Variants in NEB observed in about 807,000 individuals in gnomAD.
NEB encodes the protein nemaline myopathy type 2.
In NEB, 512 loss-of-function variants were observed where a neutral mutation model predicts 952.2. That is an observed-to-expected ratio of 0.54 (90% CI 0.50 to 0.58). The LOEUF is 0.58. Among genes scored for constraint, NEB ranks in the 20% least tolerant of loss-of-function variants. The probability of loss-of-function intolerance (pLI) is 0.00; values close to 1 mark genes in which losing one functional copy is unlikely to be tolerated. For synonymous variants in NEB, 2,900 were observed against 3,149.8 expected (o/e 0.92, Z 2.66); for missense variants, 8,428 against 9,231.1 (o/e 0.91, Z 3.56).
In NEB at chr2:151,569,351, C is replaced by A. The variant is rs1193153766; in HGVS notation, c.17452G>T (p.Glu5818Ter). The A allele has an allele frequency of 6.2e-7, 1 of 1,613,866 alleles. No individual in the cohort carries two copies. Among genetic ancestry groups the A allele is most frequent in the East Asian group, 2.2e-5 (1 of 44,866 alleles). ...QSDNVYKADL[E>*]WLRGIGWMPN... is the part of the protein sequence containing the mutation. ...ATCCACCCAATTCCACGCAACCATT[C>A]CAAGTCAGCCTTGTAAACATTCTGT... is the stretch of plus-strand genomic sequence containing the variant. Residue 5818 changes from glutamate to a stop codon, truncating the protein, a stop_gained, in exon 110 of 182, where the codon GAA becomes TAA. Transcript: ENST00000397345. LOFTEE classifies it high-confidence loss of function.
At chr2:151,706,114 C>T (rs527248669) in intron 13 of NEB, among the ~76,000 whole-genome samples, 1 of 152,290 alleles carries the variant, frequency 6.6e-6, no homozygotes, top group East Asian at 1.9e-4. Context: ...ACAGTGATTT[C>T]CCAGCAGAGC....
rs1402992016 is a variant in NEB, at chr2:151,672,476, C to T, written c.4192G>A (p.Asp1398Asn). The change falls in exon 37 of 182, where the codon GAT (aspartate) becomes AAT (asparagine). Residue 1398 changes from aspartate to asparagine, a missense_variant. By Grantham distance (23) the Asp-to-Asn change is conservative (BLOSUM62 1). Transcript: ENST00000397345. ...VSITAAKMAQDVATNVNYKQP... is the reference protein window; with the variant it reads ...VSITAAKMAQNVATNVNYKQP... ...TTGTAGTTGACATTGGTAGCGACAT[C>T]CTGGGCCATCTTTGCAGCTGTGATG... The T allele has an allele frequency of 6.2e-7, 1 of 1,613,844 alleles. No homozygotes were observed. Among genetic ancestry groups the T allele is most frequent in the Admixed American group, 1.7e-5 (1 of 60,004 alleles).
chr2:151,698,797 C>T (rs2099620396), intron 13 of NEB, among the ~76,000 whole-genome samples: 2 of 151,852 alleles, frequency 1.3e-5, no homozygotes, highest in Admixed American at 1.3e-4. Context: ...GCCACCATGC[C>T]CGGCTAATTT....
chr2:151,685,743 T>C (rs1007012952), intron 27 of NEB, among the ~76,000 whole-genome samples: 5 of 152,238 alleles, frequency 3.3e-5, no homozygotes, highest in African/African-American at 9.6e-5. Flanking sequence ...CCCAGCTTCA[T>C]TGTATCCACT....
intron 142 of NEB, among the ~76,000 whole-genome samples, chr2:151,534,660 A>T (rs1044181396): frequency 1.3e-5 from 2 of 152,238 alleles, no homozygotes; most frequent in African/African-American, 2.4e-5. Flanking sequence ...AGCTTTACCA[A>T]CTAAGGCTGT....
chr2:151,502,786 G>C lies in NEB; in HGVS notation c.23928+7C>G. On this transcript the variant is annotated splice_region_variant and intron_variant, in intron 167 of 181. Transcript: ENST00000397345. ...GATTTTTTTTTTTTTGGCCCCCTAAGAAATACCGAGCTAAAGTTCTCTTGA... is the reference window on the plus strand; with the variant it reads ...GATTTTTTTTTTTTTGGCCCCCTAACAAATACCGAGCTAAAGTTCTCTTGA... 1 of 1,540,714 alleles carries C rather than the reference G, an allele frequency of 6.5e-7. No individual in the cohort carries two copies. Among genetic ancestry groups the C allele is most frequent in the Non-Finnish European group, 8.9e-7 (1 of 1,118,498 alleles).
chr2:151,713,828 G>A (rs77907054), intron 10 of NEB, among the ~76,000 whole-genome samples: 1,912 of 152,288 alleles, frequency 0.013, 45 homozygotes, highest in African/African-American at 0.044. Flanking sequence ...CAAAGACAAA[G>A]GTGAGAGAAT....
chr2:151,692,718 A>G (rs1355539778), intron 20 of NEB, among the ~76,000 whole-genome samples: 1 of 152,180 alleles, frequency 6.6e-6, no homozygotes, highest in Non-Finnish European at 1.5e-5. Context: ...ACCTGTCATC[A>G]CAGCACTTTG....
At chr2:151,510,562 AC>A in intron 161 of NEB, among the ~76,000 whole-genome samples, 1 of 152,376 alleles carries the variant, frequency 6.6e-6, no homozygotes, top group African/African-American at 2.4e-5. Context: ...AAATAAGAGT[AC>A]ATTACAATAA....
chr2:151,493,279 A>C, intron 176 of NEB, 74 bp downstream of exon 176: 1 of 1,127,460 alleles, frequency 8.9e-7, no homozygotes, highest in East Asian at 2.5e-5. Flanking sequence ...TTGAATGAGA[A>C]AGGCGTGTTT....
chr2:151,637,751 G>A (rs2098789800), intron 63 of NEB, among the ~76,000 whole-genome samples: 1 of 152,220 alleles, frequency 6.6e-6, no homozygotes, highest in African/African-American at 2.4e-5. Context: ...ATGGTTTCCT[G>A]TAACAGGACC....
rs1282506831 is a variant in NEB at position 151,695,810 on chromosome 2, G to A, written c.1570-128C>T. On this transcript the variant is annotated intron_variant, in intron 17 of 181. Transcript: ENST00000397345. ...AGAAGAGACATCTAGAGCTTGGGTA[G>A]GCCATCTGCATTACTGATCCTGTGT... is the stretch of plus-strand genomic sequence containing the variant. The A allele has an allele frequency of 1.3e-5, 9 of 695,144 alleles. No homozygotes were observed. In the Admixed American group the frequency reaches 2.0e-4, roughly 15 times the overall value. The allele number at this position is 695,144 out of a possible 1,614,324, so 43.1% of individuals were successfully genotyped here.
intron 12 of NEB, 79 bp from the exon 13 acceptor site, chr2:151,707,076 T>G: frequency 1.2e-6 from 1 of 836,932 alleles, no homozygotes; most frequent in Non-Finnish European, 1.8e-6. Flanking sequence ...ATGACATACT[T>G]CCACAAATCA....
At chr2:151,723,746 CTTTGTTTTTTTTT>C (rs1487772002) in intron 8 of NEB, among the ~76,000 whole-genome samples, 1 of 55,914 alleles carries the variant, frequency 1.8e-5, no homozygotes, top group African/African-American at 7.3e-5. Flanking sequence ...TACCTGCCTT[CTTTGTTTTTTTTT>C]TTTTTTTTTT....
intron 13 of NEB, among the ~76,000 whole-genome samples, chr2:151,703,321 T>C: frequency 1.7e-5 from 1 of 59,072 alleles, no homozygotes. Context: ...CTTTGGTGAA[T>C]CTGACAATTA....
In NEB at chr2:151,570,555, A is replaced by G. The variant is rs2096588520; in HGVS notation, c.17060T>C (p.Val5687Ala). 6.2e-7 allele frequency: 1 copy of G among 1,609,462 alleles called. No homozygotes were observed. Among genetic ancestry groups the G allele is most frequent in the African/African-American group, 1.3e-5 (1 of 74,782 alleles). ...GWDEMKAGCD[V>A]RLDAIPIQAA... ...CTGGATGGGGATGGCATCCAGCCGG[A>G]CATCACAGCCCGCCTTCATTTCATC... Residue 5687 changes from valine to alanine, a missense_variant, in exon 108 of 182, where the codon GTC (valine) becomes GCC (alanine). This residue lies in a region of NEB where 3,374 missense variants were observed against 3,651.5 expected (regional missense o/e 0.92). Coordinates refer to ENST00000397345, the MANE Select transcript of NEB (RefSeq NM_001164508.2).
chr2:151,686,835 T>C (rs915185286), intron 27 of NEB, among the ~76,000 whole-genome samples: 9 of 152,178 alleles, frequency 5.9e-5, no homozygotes, highest in African/African-American at 2.2e-4. Context: ...AAATGTTACA[T>C]GGCCCATAGA....
intron 151 of NEB, 90 bp downstream of exon 151, chr2:151,525,073 G>T: frequency 1.0e-6 from 1 of 962,172 alleles, no homozygotes; most frequent in Non-Finnish European, 1.7e-6. Context: ...AGAGGAATTA[G>T]AGTGACCACA....
At chr2:151,690,575 G>T in intron 24 of NEB, 152 bp downstream of exon 24, 1 of 647,798 alleles carries the variant, frequency 1.5e-6, no homozygotes, top group Non-Finnish European at 2.8e-6. Flanking sequence ...ATTCAATCTA[G>T]CAGCCTCATT....
Sources: gnomAD v4.1 joint callset for allele counts (sites outside exome capture counted in the v4.1 genomes callset) on GRCh38, gnomAD v4.1.1 for gene constraint, gnomAD v4.1.1 regional missense constraint, MANE v1.5 for transcripts, NCBI Gene and HGNC (gene_info 2026-07-23, HGNC 2026-07-21) for gene names.